FANCL: variants seen among roughly 807,000 people sequenced by gnomAD.
FANCL encodes the protein FA complementation group L, also known as E3 ubiquitin-protein ligase FANCL.
FANCL carries 69 observed loss-of-function variants against 59.4 expected under a neutral mutation model. The observed-to-expected ratio is 1.16, with a 90% CI of 0.96 to 1.42. The LOEUF (loss-of-function observed/expected upper bound fraction) is 1.42. Among genes scored for constraint, FANCL ranks in the 40% most tolerant of loss-of-function variants. The pLI is 0.00. For synonymous variants in FANCL, 180 were observed against 147.1 expected, an observed-to-expected ratio of 1.22 and a Z score of -1.62; for missense variants, 519 against 447.2, an observed-to-expected ratio of 1.16 and a Z score of -1.45.
intron 6 of FANCL, 105 bp downstream of exon 6, chr2:58,204,025 A>G: frequency 1.2e-6 from 1 of 862,286 alleles, no homozygotes; most frequent in Non-Finnish European, 2.0e-6. Flanking sequence ...AGCATGATAT[A>G]TGTATTTTTA....
At chr2:58,167,709 C>A (rs1686094340) in intron 7 of FANCL, among the ~76,000 whole-genome samples, 1 of 152,102 alleles carries the variant, frequency 6.6e-6, no homozygotes, top group Non-Finnish European at 1.5e-5. Flanking sequence ...GAATTTTAAA[C>A]CCTAAAAGCC....
At chr2:58,187,778 A>G (rs190060712) in intron 7 of FANCL, among the ~76,000 whole-genome samples, 40 of 152,208 alleles carry the variant, frequency 2.6e-4, no homozygotes, top group Non-Finnish European at 5.1e-4. Flanking sequence ...GTGTGTATAC[A>G]TAAAACAACG....
At chr2:58,169,233 C>G (rs929877735) in intron 7 of FANCL, among the ~76,000 whole-genome samples, 1 of 152,174 alleles carries the variant, frequency 6.6e-6, no homozygotes, top group Non-Finnish European at 1.5e-5. Flanking sequence ...CTTTGCTGTT[C>G]TGCAACCTCC....
intron 7 of FANCL, among the ~76,000 whole-genome samples, chr2:58,185,402 T>C (rs35672834): frequency 0.03 from 4,522 of 152,206 alleles, 95 homozygotes; most frequent in Non-Finnish European, 0.048. Flanking sequence ...TGAACACACA[T>C]ACTGAAAAGA....
chr2:58,181,389 C>T (rs1464607061), intron 7 of FANCL, among the ~76,000 whole-genome samples: 2 of 151,954 alleles, frequency 1.3e-5, no homozygotes, highest in Non-Finnish European at 2.9e-5. Context: ...TGGGGATTTA[C>T]TAGGATGGGA....
intron 7 of FANCL, among the ~76,000 whole-genome samples, chr2:58,185,595 G>C (rs1052624798): frequency 6.6e-6 from 1 of 152,156 alleles, no homozygotes; most frequent in Non-Finnish European, 1.5e-5. Flanking sequence ...GGCAATGCTT[G>C]CCAATTTTTA....
chr2:58,198,105 A>T (rs1427837055), intron 7 of FANCL, among the ~76,000 whole-genome samples: 2 of 151,642 alleles, frequency 1.3e-5, no homozygotes, highest in Admixed American at 1.3e-4. Context: ...TTGTGTGTGC[A>T]TGTAGAGAGG....
rs554783468 is a variant in FANCL at position 58,178,190 on chromosome 2, A to G, written c.541-12316T>C. On this transcript the variant is annotated intron_variant, in intron 7 of 13. Transcript: ENST00000233741. ...AGAAGAGCTGGTACCATTCCTTCTG[A>G]AACTATTTCAAACAGAAAAATGACT... 1.2e-4 allele frequency among the ~76,000 whole-genome samples: 18 copies of G among 152,296 alleles called. No homozygotes were observed. In the South Asian group the frequency reaches 3.7e-3, roughly 32 times the overall value.
At chr2:58,224,888 A>C (rs1036192150) in intron 4 of FANCL, among the ~76,000 whole-genome samples, 2 of 152,118 alleles carry the variant, frequency 1.3e-5, no homozygotes, top group East Asian at 3.9e-4. Flanking sequence ...TATTCTTTCC[A>C]AAAAGTATTT....
chr2:58,192,469 C>T (rs941531008), intron 7 of FANCL, among the ~76,000 whole-genome samples: 9 of 151,702 alleles, frequency 5.9e-5, no homozygotes, highest in African/African-American at 1.7e-4. Context: ...AAAAAGTGAC[C>T]TCTAGGAATA....
At chr2:58,198,046 C>CGTGT (rs1009109892) in intron 7 of FANCL, among the ~76,000 whole-genome samples, 1 of 129,476 alleles carries the variant, frequency 7.7e-6, no homozygotes. Flanking sequence ...TGTGTGTGTG[C>CGTGT]GTGTGTGTGT....
chr2:58,172,905 T>G (rs1046207273), intron 7 of FANCL, among the ~76,000 whole-genome samples: 3 of 152,120 alleles, frequency 2.0e-5, no homozygotes, highest in African/African-American at 4.8e-5. Context: ...TTTAGACGAA[T>G]GCATAACTAG....
At position 58,163,624 on chromosome 2, in the gene FANCL, C is replaced by T. The variant is rs189155208; in HGVS notation, c.692-107G>A. 3.8e-4 allele frequency: 266 copies of T among 700,026 alleles called. 1 individual carries two copies. In the African/African-American group the frequency reaches 4.1e-3, roughly 11 times the overall value. The allele number at this position is 700,026 out of a possible 1,614,324, so 43.4% of individuals were successfully genotyped here. On this transcript the variant is annotated intron_variant, in intron 8 of 13. Coordinates refer to ENST00000233741, the MANE Select transcript of FANCL (RefSeq NM_018062.4). ...GGCTACCTATTTCACTGTATACCCA[C>T]GGAAAGATTAACCAAATGTTTTGTA...
intron 7 of FANCL, among the ~76,000 whole-genome samples, chr2:58,175,127 T>C (rs1403973651): frequency 6.8e-6 from 1 of 147,254 alleles, no homozygotes; most frequent in African/African-American, 2.6e-5. Context: ...GGCTCTGAAA[T>C]TGTGGCGAAA....
intron 7 of FANCL, among the ~76,000 whole-genome samples, chr2:58,174,287 C>A (rs1331532718): frequency 1.3e-5 from 2 of 152,148 alleles, no homozygotes; most frequent in African/African-American, 4.8e-5. Flanking sequence ...ACCAAGCAGA[C>A]CTAATAGAAA....
At chr2:58,203,003 G>A (rs556985914) in intron 6 of FANCL, among the ~76,000 whole-genome samples, 47 of 147,812 alleles carry the variant, frequency 3.2e-4, no homozygotes, top group South Asian at 4.2e-4. Flanking sequence ...TGACCCTTTG[G>A]AAGGATAAAG....
chr2:58,232,611 G>C (rs182937474), intron 1 of FANCL, among the ~76,000 whole-genome samples: 1 of 151,954 alleles, frequency 6.6e-6, no homozygotes, highest in East Asian at 1.9e-4. Context: ...ACAGACATAA[G>C]TGAAATACTT....
At chr2:58,191,415 T>G (rs1160979343) in intron 7 of FANCL, among the ~76,000 whole-genome samples, 1 of 151,804 alleles carries the variant, frequency 6.6e-6, no homozygotes, top group Non-Finnish European at 1.5e-5. Flanking sequence ...AAGCATTAAG[T>G]TCATCAAAGT....
At chr2:58,210,369 C>G (rs187414095) in intron 5 of FANCL, among the ~76,000 whole-genome samples, 14 of 152,284 alleles carry the variant, frequency 9.2e-5, no homozygotes, top group African/African-American at 3.4e-4. Context: ...AAAACCATCA[C>G]ATCTCATGAC....
Sources: allele counts gnomAD v4.1 joint callset (sites outside exome capture counted in the v4.1 genomes callset), GRCh38; gene constraint gnomAD v4.1.1; transcripts MANE v1.5; gene names NCBI Gene and HGNC (gene_info 2026-07-23, HGNC 2026-07-21).